The following IQGAP2 variants were observed in gnomAD, a reference collection of about 807,000 sequenced individuals.
IQGAP2 encodes IQ motif containing GTPase activating protein 2.
Under a neutral mutation model 201.3 loss-of-function variants are expected in IQGAP2, and 173 were observed. The ratio of observed to expected loss-of-function variants is 0.86; its 90% CI spans 0.76 to 0.98. The LOEUF is 0.98. Ranked by LOEUF, IQGAP2 falls within the 50% of genes least tolerant of loss-of-function variation. IQGAP2 has a pLI of 0.00. For synonymous variants in IQGAP2, 675 were observed against 673.9 expected (o/e 1.00, Z -0.03); for missense variants, 1,687 against 1,864.8 (o/e 0.90, Z 1.76).
In IQGAP2 at chr5:76,576,952, G is replaced by A. The variant is rs180701128; in HGVS notation, c.458+1183G>A. Among the ~76,000 whole-genome samples, 133 of 152,332 alleles carry A rather than the reference G, an allele frequency of 8.7e-4. 1 individual carries two copies. Among genetic ancestry groups the A allele is most frequent in the Middle Eastern group, 3.4e-3 (1 of 294 alleles). On this transcript the variant is annotated intron_variant, in intron 5 of 35. Coordinates refer to ENST00000274364, the MANE Select transcript of IQGAP2 (RefSeq NM_006633.5). ...AAGCTCCTTGTGCAAAAGTGCTTAT[G>A]TTGAGGAATATTTTCAACTTGTGTT...
At chr5:76,478,293 T>C (rs1191784966) in intron 2 of IQGAP2, among the ~76,000 whole-genome samples, 1 of 151,790 alleles carries the variant, frequency 6.6e-6, no homozygotes, top group East Asian at 1.9e-4. Flanking sequence ...CCCAGCTACT[T>C]GGGAGGCTGA....
chr5:76,667,469 A>G lies in IQGAP2; in HGVS notation c.2680-1212A>G, dbSNP rs112989000. Among the ~76,000 whole-genome samples the G allele has an allele frequency of 6.1e-3, 928 of 152,304 alleles. 11 individuals carry two copies. Among genetic ancestry groups the G allele is most frequent in the Admixed American group, 0.011 (175 of 15,300 alleles). The stretch of plus-strand genomic sequence containing the variant: ...TTAGGAGTATTAAATTTCTCTTTGT[A>G]CATACTTCCTCTATAACCTGAACAT... On this transcript the variant is annotated intron_variant, in intron 22 of 35. Transcript: ENST00000274364.
At chr5:76,595,341 A>G (rs995586027) in intron 9 of IQGAP2, among the ~76,000 whole-genome samples, 3 of 137,176 alleles carry the variant, frequency 2.2e-5, no homozygotes, top group Non-Finnish European at 4.5e-5. Flanking sequence ...CTCCTTCCTC[A>G]GCCTCCCAAA....
intron 21 of IQGAP2, among the ~76,000 whole-genome samples, chr5:76,663,348 C>G (rs937020709): frequency 2.0e-5 from 3 of 152,116 alleles, no homozygotes; most frequent in East Asian, 3.9e-4. Context: ...ACGTGGAGGT[C>G]CAGCTAAGAG....
chr5:76,701,042 C>G (rs1031504824), intron 33 of IQGAP2, 34 bp from the exon 34 acceptor site: 1 of 1,610,160 alleles, frequency 6.2e-7, no homozygotes, highest in South Asian at 1.1e-5. Flanking sequence ...CATTTGCCAT[C>G]ATAACAACAA....
chr5:76,707,121 T>C, intron 35 of IQGAP2, 79 bp from the exon 36 acceptor site: 1 of 760,116 alleles, frequency 1.3e-6, no homozygotes, highest in Non-Finnish European at 2.3e-6. Context: ...CTGACTTTTG[T>C]CAACAAATTC....
At chr5:76,634,609 GAA>G (rs760627793) in intron 15 of IQGAP2, among the ~76,000 whole-genome samples, 17 of 152,232 alleles carry the variant, frequency 1.1e-4, no homozygotes, top group Non-Finnish European at 1.2e-4. Context: ...GTTCTAGAAA[GAA>G]GAGCATCCCA....
chr5:76,620,039 G>C (rs1910004), intron 13 of IQGAP2, among the ~76,000 whole-genome samples: 57,166 of 151,960 alleles, frequency 0.38, 11,484 homozygotes, highest in Non-Finnish European at 0.47. Context: ...CTAGAGCCTC[G>C]AGAATGAACA....
intron 2 of IQGAP2, among the ~76,000 whole-genome samples, chr5:76,519,705 C>T (rs1248802212): frequency 6.6e-6 from 1 of 152,130 alleles, no homozygotes; most frequent in Non-Finnish European, 1.5e-5. Context: ...TGATATTAAG[C>T]TTTTTGTTTT....
intron 1 of IQGAP2, among the ~76,000 whole-genome samples, chr5:76,443,474 T>G (rs1753173543): frequency 6.6e-6 from 1 of 151,976 alleles, no homozygotes; most frequent in South Asian, 2.1e-4. Flanking sequence ...CAAAAGTTTT[T>G]TTTTTTTTTT....
chr5:76,505,897 C>T (rs1257280162), intron 2 of IQGAP2, among the ~76,000 whole-genome samples: 2 of 152,192 alleles, frequency 1.3e-5, no homozygotes, highest in Non-Finnish European at 2.9e-5. Flanking sequence ...TGCCCCTCTG[C>T]TCAGCAACCC....
rs772415313 is a variant in IQGAP2 at position 76,674,009 on chromosome 5, C to T, written c.3267C>T (p.Pro1089=). The change falls in exon 26 of 36, where the codon CCC becomes CCT. Residue 1089 remains proline, a synonymous_variant. Coordinates refer to ENST00000274364, the MANE Select transcript of IQGAP2 (RefSeq NM_006633.5). The part of the protein sequence containing the change: ...VLKNSIHEKF[P]DATEDELLKI... The stretch of plus-strand genomic sequence containing the variant: ...AGAATTCGATCCATGAGAAATTCCC[C>T]GATGCAACAGAAGATGAGCTATTAA... 6.8e-6 allele frequency: 11 copies of T among 1,607,162 alleles called. No homozygotes were observed. Among genetic ancestry groups the T allele is most frequent in the South Asian group, 5.5e-5 (5 of 90,934 alleles).
chr5:76,654,738 T>C (rs1352669727), intron 19 of IQGAP2, among the ~76,000 whole-genome samples, 196 bp from the exon 20 acceptor site: 1 of 152,260 alleles, frequency 6.6e-6, no homozygotes, highest in African/African-American at 2.4e-5. Context: ...CAGTCTTGTT[T>C]GTACTTTTAG....
At chr5:76,640,771 G>A (rs1561540312) in intron 16 of IQGAP2, among the ~76,000 whole-genome samples, 162 bp from the exon 17 acceptor site, 1 of 152,186 alleles carries the variant, frequency 6.6e-6, no homozygotes, top group East Asian at 1.9e-4. Context: ...CTAGAAAGAA[G>A]TTAAGCCAGT....
At position 76,698,977 on chromosome 5, in the gene IQGAP2, G is replaced by A. The variant is rs138917380; in HGVS notation, c.4367+830G>A. On this transcript the variant is annotated intron_variant, in intron 33 of 35. Coordinates refer to ENST00000274364, the MANE Select transcript of IQGAP2 (RefSeq NM_006633.5). ...GCATCACCTCAAATACTTAGTTTTT[G>A]TGATAAGAACACTTGAAATTTACTC... is the stretch of plus-strand genomic sequence containing the variant. Among the ~76,000 whole-genome samples the A allele has an allele frequency of 5.6e-3, 851 of 152,086 alleles. 22 individuals carry two copies. Among genetic ancestry groups the A allele is most frequent in the Admixed American group, 0.038 (573 of 15,276 alleles).
intron 4 of IQGAP2, among the ~76,000 whole-genome samples, chr5:76,573,482 T>C (rs953344905): frequency 6.6e-6 from 1 of 152,256 alleles, no homozygotes; most frequent in African/African-American, 2.4e-5. Flanking sequence ...TCTCATCTCC[T>C]TGCTGAAGGA....
At chr5:76,689,229 T>TAAAAAAAAAA (rs1561595883) in intron 30 of IQGAP2, among the ~76,000 whole-genome samples, 2 of 33,680 alleles carry the variant, frequency 5.9e-5, no homozygotes, top group African/African-American at 1.2e-4. Flanking sequence ...ACAGGGATAT[T>TAAAAAAAAAA]TAAAAAAAAA....
In IQGAP2 at chr5:76,640,983, T is replaced by G. The variant is rs551482255; in HGVS notation, c.1974T>G (p.Ser658=). Reference sequence around the variant, plus strand: ...GTTACATTCGTGAGAATATATGGTCTGCTTCAGAAGAGTTGCTTCTTCGCT... The same window carrying G: ...GTTACATTCGTGAGAATATATGGTCGGCTTCAGAAGAGTTGCTTCTTCGCT... ...TVGYIRENIW[S]ASEELLLRFQ... The change falls in exon 17 of 36, where the codon TCT becomes TCG. Residue 658 remains serine, a synonymous_variant. Coordinates refer to ENST00000274364, the MANE Select transcript of IQGAP2 (RefSeq NM_006633.5). 6 of 1,608,552 alleles carry G rather than the reference T, an allele frequency of 3.7e-6. No individual in the cohort carries two copies. The South Asian group carries it at 4.4e-5, about 12-fold the overall frequency.
chr5:76,635,947 A>G (rs1751093351), intron 15 of IQGAP2, among the ~76,000 whole-genome samples: 1 of 152,218 alleles, frequency 6.6e-6, no homozygotes, highest in African/African-American at 2.4e-5. Flanking sequence ...TGTATTTTCT[A>G]GTAGACCAAT....
Sources: allele counts gnomAD v4.1 joint callset (sites outside exome capture counted in the v4.1 genomes callset), GRCh38; gene constraint gnomAD v4.1.1; transcripts MANE v1.5; gene names NCBI Gene and HGNC (gene_info 2026-07-23, HGNC 2026-07-21).